TANC1: variants seen among roughly 807,000 people sequenced by gnomAD.
TANC1 encodes the protein protein TANC1.
Under a neutral mutation model 149.7 loss-of-function variants are expected in TANC1, and 77 were observed. The observed-to-expected ratio is 0.51, with a 90% CI of 0.43 to 0.62. The LOEUF (loss-of-function observed/expected upper bound fraction) is 0.62, where lower values mean the gene tolerates loss of function less well. TANC1 is among the 20% of genes least tolerant of loss of function. The pLI, the probability that TANC1 is intolerant of heterozygous loss-of-function variation, is 0.00. For synonymous variants in TANC1, 854 were observed against 925.0 expected, an observed-to-expected ratio of 0.92 and a Z score of 1.39; for missense variants, 1,985 against 2,321.8, an observed-to-expected ratio of 0.85 and a Z score of 2.98.
At chr2:159,217,287 C>A (rs1206531519) in intron 19 of TANC1, among the ~76,000 whole-genome samples, 1 of 152,202 alleles carries the variant, frequency 6.6e-6, no homozygotes, top group Non-Finnish European at 1.5e-5. Flanking sequence ...GTGCAAGCAG[C>A]CCATCTCTTA....
intron 8 of TANC1, among the ~76,000 whole-genome samples, chr2:159,164,983 A>G (rs566424051): frequency 2.6e-5 from 4 of 152,210 alleles, no homozygotes; most frequent in Admixed American, 1.3e-4. Flanking sequence ...TTAACAGAGT[A>G]TGTGGCACCC....
chr2:158,991,091 CAAAAAA>C (rs34411224), intron 1 of TANC1, among the ~76,000 whole-genome samples: 11 of 70,178 alleles, frequency 1.6e-4, no homozygotes, highest in South Asian at 5.7e-4. Context: ...GATCCTGTGT[CAAAAAA>C]AAAAAAAAAA....
intron 8 of TANC1, among the ~76,000 whole-genome samples, chr2:159,165,731 G>T (rs1333806799): frequency 1.3e-5 from 2 of 152,240 alleles, no homozygotes; most frequent in South Asian, 4.1e-4. Flanking sequence ...TCTCTTAGAA[G>T]TATTTGCATG....
At chr2:159,147,904 A>G (rs188955278) in intron 5 of TANC1, 1 of 152,264 alleles carries the variant, frequency 6.6e-6, no homozygotes, top group Admixed American at 6.5e-5. Context: ...CAAAACTGAT[A>G]TGTGAGTGAC....
Position 159,023,355 on chromosome 2 carries a change from T to TTTC in TANC1, c.-16+22168_-16+22169insCTT, listed in dbSNP as rs1559142373. Among the ~76,000 whole-genome samples the TTTC allele has an allele frequency of 1.6e-4, 25 of 152,148 alleles. 1 individual carries two copies. Among genetic ancestry groups the TTTC allele is most frequent in the African/African-American group, 6.0e-4 (25 of 41,528 alleles). On this transcript the variant is annotated intron_variant, in intron 2 of 26. Transcript: ENST00000263635. ...TAACCCATGGCCTTTTTTTTTCTTTTTTTTTGAGGCAGAGTCTCGCTCTGT... is the reference window on the plus strand; with the variant it reads ...TAACCCATGGCCTTTTTTTTTCTTTTTTCTTTTTGAGGCAGAGTCTCGCTCTGT...
chr2:159,108,279 C>T (rs908804529), intron 4 of TANC1, among the ~76,000 whole-genome samples: 1 of 152,208 alleles, frequency 6.6e-6, no homozygotes, highest in Non-Finnish European at 1.5e-5. Flanking sequence ...TGTCAGTAGC[C>T]ACTCAGCCTT....
chr2:159,087,272 G>C (rs1177745733), intron 3 of TANC1, among the ~76,000 whole-genome samples: 1 of 152,166 alleles, frequency 6.6e-6, no homozygotes, highest in Non-Finnish European at 1.5e-5. Context: ...CTGTTGAGTA[G>C]TGGATTCTGT....
intron 5 of TANC1, among the ~76,000 whole-genome samples, chr2:159,146,446 C>T (rs185669894): frequency 1.5e-3 from 228 of 152,116 alleles, no homozygotes; most frequent in African/African-American, 5.3e-3. Context: ...TCATCCCAAC[C>T]CCGGGTAAGG....
At chr2:158,974,154 C>G (rs752813801) in intron 1 of TANC1, among the ~76,000 whole-genome samples, 9 of 152,136 alleles carry the variant, frequency 5.9e-5, no homozygotes, top group Non-Finnish European at 1.2e-4. Flanking sequence ...TGTTCTGGTC[C>G]TCCTTGCTTC....
chr2:159,018,924 C>G (rs1255641852), intron 2 of TANC1, among the ~76,000 whole-genome samples: 1 of 152,114 alleles, frequency 6.6e-6, no homozygotes, highest in Non-Finnish European at 1.5e-5. Context: ...TCTTATTATG[C>G]CTTCTCGGGC....
intron 1 of TANC1, among the ~76,000 whole-genome samples, chr2:158,976,123 T>G (rs1375657004): frequency 6.6e-6 from 1 of 152,198 alleles, no homozygotes; most frequent in Non-Finnish European, 1.5e-5. Context: ...TGTGAGCCAC[T>G]GTGCCCAGCC....
chr2:159,123,079 G>T (rs78811679), intron 4 of TANC1, among the ~76,000 whole-genome samples: 1 of 152,002 alleles, frequency 6.6e-6, no homozygotes, highest in Admixed American at 6.6e-5. Context: ...AGACAATTGC[G>T]TTCTGCATCT....
Position 159,139,416 on chromosome 2 carries a change from C to A in TANC1, c.364+3118C>A, listed in dbSNP as rs184546724. On this transcript the variant is annotated intron_variant, in intron 5 of 26. Transcript: ENST00000263635. ...AGCTGTGTGTCAGGTAGAATAAGTT[C>A]TTAATGAGTAAGCTTCCTATTGCTA... 3.9e-5 allele frequency among the ~76,000 whole-genome samples: 6 copies of A among 152,232 alleles called. No homozygotes were observed. The East Asian group carries it at 1.2e-3, about 29-fold the overall frequency.
intron 16 of TANC1, among the ~76,000 whole-genome samples, chr2:159,188,173 A>G (rs2057158297): frequency 6.6e-6 from 1 of 152,162 alleles, no homozygotes; most frequent in Non-Finnish European, 1.5e-5. Flanking sequence ...TTATCTTTCA[A>G]GGGGGGAAAA....
chr2:158,987,221 A>AAC (rs2149256076), intron 1 of TANC1, among the ~76,000 whole-genome samples: 1 of 147,640 alleles, frequency 6.8e-6, no homozygotes, highest in South Asian at 2.2e-4. Context: ...TCCAAAAAAA[A>AAC]AAAAAAAAAA....
intron 5 of TANC1, among the ~76,000 whole-genome samples, chr2:159,141,229 C>G (rs527982554): frequency 6.6e-6 from 1 of 152,286 alleles, no homozygotes; most frequent in East Asian, 1.9e-4. Context: ...TTTGCTGTAA[C>G]CTCATGTAGT....
intron 3 of TANC1, 95 bp downstream of exon 3, chr2:159,066,066 T>A: frequency 1.1e-6 from 1 of 932,928 alleles, no homozygotes; most frequent in Non-Finnish European, 1.8e-6. Context: ...TGGGAGTGGG[T>A]CAGAGAGGGT....
chr2:159,217,772 C>T, intron 20 of TANC1, 142 bp downstream of exon 20: 1 of 1,072,826 alleles, frequency 9.3e-7, no homozygotes, highest in Non-Finnish European at 1.3e-6. Flanking sequence ...ATCAGGACTG[C>T]TTGATAGAGC....
chr2:159,186,709 G>A, intron 15 of TANC1, 193 bp from the exon 16 acceptor site: 1 of 611,398 alleles, frequency 1.6e-6, no homozygotes. Flanking sequence ...AGGCAGGCTG[G>A]TTCCTTGACC....
Sources: allele counts gnomAD v4.1 joint callset (sites outside exome capture counted in the v4.1 genomes callset), GRCh38; gene constraint gnomAD v4.1.1; transcripts MANE v1.5; gene names NCBI Gene and HGNC (gene_info 2026-07-23, HGNC 2026-07-21).